TMEM176B: variants seen among roughly 807,000 people sequenced by gnomAD.
TMEM176B encodes the protein transmembrane protein 176B.
Under a neutral mutation model 30.3 loss-of-function variants are expected in TMEM176B, and 28 were observed. That is an observed-to-expected ratio of 0.92 (90% CI 0.68 to 1.27). The LOEUF (loss-of-function observed/expected upper bound fraction) is 1.27. TMEM176B is among the 50% of genes most tolerant of loss of function. The probability of loss-of-function intolerance (pLI) is 0.00; values close to 1 mark genes in which losing one functional copy is unlikely to be tolerated. For missense variants in TMEM176B, 349 were observed against 327.4 expected, an observed-to-expected ratio of 1.07 and a Z score of -0.51; for synonymous variants, 123 against 130.3, an observed-to-expected ratio of 0.94 and a Z score of 0.38.
chr7:150,796,340 C>T, intron 2 of TMEM176B, 26 bp downstream of exon 2: 1 of 1,609,792 alleles, frequency 6.2e-7, no homozygotes, highest in South Asian at 1.1e-5. Context: ...AACGTGCCCC[C>T]CAACCCCGCA....
chr7:150,794,362 T>G (rs2116686720), intron 2 of TMEM176B, among the ~76,000 whole-genome samples: 1 of 150,046 alleles, frequency 6.7e-6, no homozygotes. Context: ...TCCCCCCCCA[T>G]TCTCCTTCAG....
rs759545156 is a variant in TMEM176B, at chr7:150,796,432, A to G, written c.138T>C (p.Phe46=). ...GCACAGTGTCCCCAGGGTGAAAAAG[A>G]AACTTCTTCAGAGAACCTCCAGCTT... ...LLKAGGSLKK[F]LFHPGDTVPS... Residue 46 remains phenylalanine, a synonymous_variant, in exon 2 of 7, where the codon TTT becomes TTC. Coordinates refer to ENST00000326442, the MANE Select transcript of TMEM176B (RefSeq NM_001101312.2). The G allele has an allele frequency of 1.4e-5, 23 of 1,614,224 alleles. No homozygotes were observed. In the East Asian group the frequency reaches 5.1e-4, roughly 36 times the overall value.
rs1383908928 is a variant in TMEM176B at position 150,793,617 on chromosome 7, G to GA, written c.316-18dup. The GA allele has an allele frequency of 6.2e-7, 1 of 1,612,350 alleles. No homozygotes were observed. Among genetic ancestry groups the GA allele is most frequent in the Admixed American group, 1.7e-5 (1 of 59,772 alleles). Reference sequence around the variant, plus strand: ...TGCGATCACCTGAAAAGAGACACCAGAAAAAGGCCTCCAGTTTACTCTTCT... The same window carrying GA: ...TGCGATCACCTGAAAAGAGACACCAGAAAAAAGGCCTCCAGTTTACTCTTCT... On this transcript the variant is annotated splice_polypyrimidine_tract_variant and intron_variant, in intron 3 of 6. Coordinates refer to ENST00000326442, the MANE Select transcript of TMEM176B (RefSeq NM_001101312.2).
chr7:150,793,748 C>T (rs1798411123), intron 3 of TMEM176B, 148 bp from the exon 4 acceptor site: 1 of 925,008 alleles, frequency 1.1e-6, no homozygotes, highest in Non-Finnish European at 1.7e-6. Context: ...CAGGATTCCA[C>T]CTATACCTGC....
At chr7:150,791,730 G>A in intron 6 of TMEM176B, 107 bp from the exon 7 acceptor site, 1 of 1,093,496 alleles carries the variant, frequency 9.1e-7, no homozygotes, top group African/African-American at 1.6e-5. Flanking sequence ...AAAGGAAAAG[G>A]TGACAGGAAA....
In TMEM176B at chr7:150,791,523, T is replaced by C. The variant is rs764437820; in HGVS notation, c.*8A>G. 6 of 1,612,596 alleles carry C rather than the reference T, an allele frequency of 3.7e-6. No individual in the cohort carries two copies. In the East Asian group the frequency reaches 6.7e-5, roughly 18 times the overall value. On this transcript the variant is annotated 3_prime_UTR_variant, in exon 7 of 7. Coordinates refer to ENST00000326442, the MANE Select transcript of TMEM176B (RefSeq NM_001101312.2). ...GACATGCGGGCACCCCGTGGGGTCT[T>C]TGGCAGCTCACAGGACAATGGCAGT... is the stretch of plus-strand genomic sequence containing the variant.
intron 1 of TMEM176B, among the ~76,000 whole-genome samples, chr7:150,797,237 C>T (rs534104150): frequency 2.6e-5 from 4 of 152,262 alleles, no homozygotes; most frequent in African/African-American, 9.6e-5. Flanking sequence ...TATTTCTGCC[C>T]CCTTTTCCCA....
Position 150,796,435 on chromosome 7 carries a change from C to T in TMEM176B, c.135G>A (p.Lys45=). Residue 45 remains lysine (K), a synonymous_variant, in exon 2 of 7, where the codon AAG becomes AAA. Transcript: ENST00000326442. ...QLLKAGGSLK[K]FLFHPGDTVP... is the part of the protein sequence containing the mutation. ...CAGTGTCCCCAGGGTGAAAAAGAAACTTCTTCAGAGAACCTCCAGCTTTCA... is the reference window on the plus strand; with the variant it reads ...CAGTGTCCCCAGGGTGAAAAAGAAATTTCTTCAGAGAACCTCCAGCTTTCA... 1 of 1,613,954 alleles carries T rather than the reference C, an allele frequency of 6.2e-7. No individual in the cohort carries two copies.
chr7:150,796,389 C>G lies in TMEM176B; in HGVS notation c.181G>C (p.Gly61Arg). Residue 61 changes from glycine (G) to arginine (R), a missense_variant, in exon 2 of 7, where the codon GGT becomes CGT. By Grantham distance (125) the Gly-to-Arg change is moderately radical (BLOSUM62 -2). Coordinates refer to ENST00000326442, the MANE Select transcript of TMEM176B (RefSeq NM_001101312.2). ...GDTVPSTARI[G>R]YEQLALGVTQ... ...ACCCCTAGAGCCAGCTGCTCATAAC[C>G]AATCCTGGCTGTGGAAGGCACAGTG... 1 of 1,614,200 alleles carries G rather than the reference C, an allele frequency of 6.2e-7. No homozygotes were observed. The highest frequency in any genetic ancestry group is 2.2e-5 in the East Asian group (1 of 44,882).
chr7:150,798,018 TG>T (rs1389624934), intron 1 of TMEM176B, among the ~76,000 whole-genome samples: 1 of 152,178 alleles, frequency 6.6e-6, no homozygotes, highest in African/African-American at 2.4e-5. Flanking sequence ...TGGGGAAAAA[TG>T]CATTGATTTT....
intron 2 of TMEM176B, among the ~76,000 whole-genome samples, chr7:150,794,735 T>A (rs1446856018): frequency 6.6e-6 from 1 of 152,086 alleles, no homozygotes; most frequent in Non-Finnish European, 1.5e-5. Context: ...TGGTTCCTCC[T>A]GCTCAATCCT....
In TMEM176B at chr7:150,796,788, C is replaced by T. The variant is rs561769155; in HGVS notation, c.-5-214G>A. The T allele has an allele frequency of 7.8e-5, 42 of 535,986 alleles. No individual in the cohort carries two copies. In the Middle Eastern group the frequency reaches 1.5e-3, roughly 19 times the overall value. 33.2% of individuals were successfully genotyped at this position (535,986 alleles called of 1,614,324 possible). On this transcript the variant is annotated intron_variant, in intron 1 of 6. Coordinates refer to ENST00000326442, the MANE Select transcript of TMEM176B (RefSeq NM_001101312.2). ...AGCCTGGCCAATGTGGCAAAACTCC[C>T]TCTCTACTAAAAATACAAAAATCCG...
Position 150,793,669 on chromosome 7 carries a change from C to G in TMEM176B, c.316-69G>C, listed in dbSNP as rs368313325. The G allele has an allele frequency of 6.6e-6, 10 of 1,522,472 alleles. No individual in the cohort carries two copies. The African/African-American group carries it at 1.2e-4, about 19-fold the overall frequency. 94.3% of individuals were successfully genotyped at this position (1,522,472 alleles called of 1,614,324 possible). On this transcript the variant is annotated intron_variant, in intron 3 of 6. Coordinates refer to ENST00000326442, the MANE Select transcript of TMEM176B (RefSeq NM_001101312.2). ...AATTGGTCTATCATCACCCTCCCAC[C>G]AGCAGTTCCCAGAATAGCCAATGTG...
rs778905636 is a variant in TMEM176B at position 150,791,482 on chromosome 7, G to A, written c.*49C>T. On this transcript the variant is annotated 3_prime_UTR_variant, in exon 7 of 7. Transcript: ENST00000326442. ...TGAGGAGCCAGGAGTGGGGGCCCTGGGCTGCCCTAGACAGGGACATGCGGG... is the reference window on the plus strand; with the variant it reads ...TGAGGAGCCAGGAGTGGGGGCCCTGAGCTGCCCTAGACAGGGACATGCGGG... 6.5e-7 allele frequency: 1 copy of A among 1,539,006 alleles called. No individual in the cohort carries two copies. Among genetic ancestry groups the A allele is most frequent in the South Asian group, 1.1e-5 (1 of 88,308 alleles).
chr7:150,798,566 C>T (rs1798619629), intron 1 of TMEM176B, among the ~76,000 whole-genome samples: 2 of 151,290 alleles, frequency 1.3e-5, no homozygotes, highest in Admixed American at 6.6e-5. Context: ...TGAGCCACCG[C>T]GCCCGGCCAG....
rs770731228 is a variant in TMEM176B at position 150,796,386 on chromosome 7, A to T, written c.184T>A (p.Tyr62Asn). 19 of 1,614,172 alleles carry T rather than the reference A, an allele frequency of 1.2e-5. No individual in the cohort carries two copies. Among genetic ancestry groups the T allele is most frequent in the Non-Finnish European group, 1.6e-5 (19 of 1,180,038 alleles). ...DTVPSTARIG[Y>N]EQLALGVTQI... ...CTTACCCCTAGAGCCAGCTGCTCAT[A>T]ACCAATCCTGGCTGTGGAAGGCACA... Residue 62 changes from tyrosine (Y) to asparagine (N), a missense_variant, in exon 2 of 7, where the codon TAT (tyrosine) becomes AAT (asparagine). By Grantham distance (143) the Tyr-to-Asn change is moderately radical. Coordinates refer to ENST00000326442, the MANE Select transcript of TMEM176B (RefSeq NM_001101312.2).
chr7:150,800,875 C>A (rs1488753453), upstream of TMEM176B: 16 of 981,746 alleles, frequency 1.6e-5, no homozygotes, highest in African/African-American at 2.6e-4. Context: ...TCCTTCCGCA[C>A]GCACCCCGAG....
Position 150,793,235 on chromosome 7 carries a change from G to A in TMEM176B, c.453C>T (p.Ile151=). 6.2e-7 allele frequency: 1 copy of A among 1,614,232 alleles called. No individual in the cohort carries two copies. The highest frequency in any genetic ancestry group is 1.3e-5 in the African/African-American group (1 of 75,054). ...TGTATAAAAAGGGTTCAGTTTGCCA[G>A]ATGAAGCTATTCACGCAGAGGACAA... ...AAVVLCVNSF[I]WQTEPFLYID... is the part of the protein sequence containing the mutation. The change falls in exon 5 of 7, where the codon ATC becomes ATT. Residue 151 remains isoleucine (I), a synonymous_variant. Transcript: ENST00000326442.
chr7:150,798,123 A>G (rs1798596487), intron 1 of TMEM176B, among the ~76,000 whole-genome samples: 2 of 152,194 alleles, frequency 1.3e-5, no homozygotes, highest in African/African-American at 4.8e-5. Context: ...AGCTACAATC[A>G]AGATAAAGGA....
Sources: gnomAD v4.1 joint callset for allele counts (sites outside exome capture counted in the v4.1 genomes callset) on GRCh38, gnomAD v4.1.1 for gene constraint, MANE v1.5 for transcripts, NCBI Gene and HGNC (gene_info 2026-07-23, HGNC 2026-07-21) for gene names.